CCDC85A: variants seen among roughly 807,000 people sequenced by gnomAD.
The protein encoded by CCDC85A is coiled-coil domain-containing protein 85A.
Under a neutral mutation model 50.2 loss-of-function variants are expected in CCDC85A, and 38 were observed. The observed-to-expected ratio is 0.76, with a 90% CI of 0.58 to 0.99. The LOEUF (loss-of-function observed/expected upper bound fraction) is 0.99, where lower values mean the gene tolerates loss of function less well. Among genes scored for constraint, CCDC85A ranks in the 50% least tolerant of loss-of-function variants. The pLI, the probability that CCDC85A is intolerant of heterozygous loss-of-function variation, is 0.00. For synonymous variants in CCDC85A, 366 were observed against 301.4 expected, an observed-to-expected ratio of 1.21 and a Z score of -2.22; for missense variants, 820 against 742.0, an observed-to-expected ratio of 1.11 and a Z score of -1.22.
intron 2 of CCDC85A, among the ~76,000 whole-genome samples, chr2:56,198,426 G>A (rs1305512774): frequency 6.6e-6 from 1 of 152,162 alleles, no homozygotes; most frequent in Non-Finnish European, 1.5e-5. Flanking sequence ...AATAATAATG[G>A]TTTTTGTTCT....
At chr2:56,324,395 A>G (rs1367271207) in intron 2 of CCDC85A, among the ~76,000 whole-genome samples, 4 of 152,008 alleles carry the variant, frequency 2.6e-5, no homozygotes, top group South Asian at 2.1e-4. Flanking sequence ...CCCTATAGCT[A>G]TGTACTCCCT....
intron 2 of CCDC85A, among the ~76,000 whole-genome samples, chr2:56,228,156 G>C (rs1344191048): frequency 6.6e-6 from 1 of 152,080 alleles, no homozygotes; most frequent in Non-Finnish European, 1.5e-5. Context: ...TTATTTTCTG[G>C]CCATGTCACC....
At chr2:56,281,845 A>T (rs1319157685) in intron 2 of CCDC85A, among the ~76,000 whole-genome samples, 2 of 152,194 alleles carry the variant, frequency 1.3e-5, no homozygotes, top group Non-Finnish European at 2.9e-5. Context: ...TATGTAAATA[A>T]TAGTGAATAA....
intron 2 of CCDC85A, among the ~76,000 whole-genome samples, chr2:56,271,041 G>A (rs1377324584): frequency 6.6e-6 from 1 of 152,178 alleles, no homozygotes; most frequent in African/African-American, 2.4e-5. Context: ...TCAAAGAAAT[G>A]CAGTGGCTTG....
chr2:56,258,938 A>G (rs1049125922), intron 2 of CCDC85A, among the ~76,000 whole-genome samples: 6 of 152,204 alleles, frequency 3.9e-5, no homozygotes, highest in African/African-American at 1.4e-4. Flanking sequence ...TGTGGAGCTA[A>G]GGCTTTTGAG....
chr2:56,346,645 C>G (rs1674645896), intron 3 of CCDC85A, among the ~76,000 whole-genome samples: 1 of 152,084 alleles, frequency 6.6e-6, no homozygotes, highest in African/African-American at 2.4e-5. Flanking sequence ...AAGAGCCAGT[C>G]TTATTATTTT....
chr2:56,319,627 A>G (rs976022733), intron 2 of CCDC85A, among the ~76,000 whole-genome samples: 3 of 152,154 alleles, frequency 2.0e-5, no homozygotes, highest in African/African-American at 4.8e-5. Flanking sequence ...TGCTGAATGT[A>G]TGAGGAATTG....
intron 2 of CCDC85A, among the ~76,000 whole-genome samples, chr2:56,208,225 A>G (rs898949911): frequency 2.0e-5 from 3 of 152,098 alleles, no homozygotes; most frequent in Non-Finnish European, 2.9e-5. Context: ...AGAATATGTT[A>G]TATTGTTTCT....
chr2:56,213,206 A>C (rs181221155), intron 2 of CCDC85A, among the ~76,000 whole-genome samples: 2 of 152,108 alleles, frequency 1.3e-5, no homozygotes, highest in Admixed American at 6.5e-5. Context: ...ACAGCTTTCA[A>C]ATGGATCACC....
At chr2:56,202,210 C>T (rs1453184198) in intron 2 of CCDC85A, among the ~76,000 whole-genome samples, 1 of 152,138 alleles carries the variant, frequency 6.6e-6, no homozygotes, top group Non-Finnish European at 1.5e-5. Context: ...TCAGAGAAGA[C>T]CTGGTGATCT....
chr2:56,220,738 T>C (rs1412755007), intron 2 of CCDC85A, among the ~76,000 whole-genome samples: 1 of 152,050 alleles, frequency 6.6e-6, no homozygotes, highest in Admixed American at 6.6e-5. Flanking sequence ...ATGCATTGTC[T>C]AAAAGCTAAG....
At chr2:56,241,353 T>A (rs575923483) in intron 2 of CCDC85A, among the ~76,000 whole-genome samples, 15 of 152,188 alleles carry the variant, frequency 9.9e-5, no homozygotes, top group African/African-American at 2.2e-4. Context: ...TAGGTTTTTT[T>A]AAAATGTACA....
intron 3 of CCDC85A, among the ~76,000 whole-genome samples, chr2:56,368,696 T>C (rs912532267): frequency 1.3e-5 from 2 of 152,108 alleles, no homozygotes; most frequent in Non-Finnish European, 1.5e-5. Context: ...AAATTTGTTA[T>C]AAGTGCATTA....
chr2:56,339,675 A>C (rs1307613254), intron 2 of CCDC85A, among the ~76,000 whole-genome samples: 2 of 152,200 alleles, frequency 1.3e-5, no homozygotes, highest in African/African-American at 2.4e-5. Flanking sequence ...AAAGAAAATA[A>C]CTTTATTTTT....
At chr2:56,354,100 A>G (rs1009029874) in intron 3 of CCDC85A, among the ~76,000 whole-genome samples, 33 of 152,248 alleles carry the variant, frequency 2.2e-4, no homozygotes, top group African/African-American at 7.0e-4. Flanking sequence ...CATACTGCCT[A>G]CAATAAAAGG....
intron 3 of CCDC85A, among the ~76,000 whole-genome samples, chr2:56,363,425 C>A (rs979273578): frequency 6.6e-6 from 1 of 152,182 alleles, no homozygotes; most frequent in Non-Finnish European, 1.5e-5. Flanking sequence ...GGTAGACCTA[C>A]AGCCTAACTG....
intron 2 of CCDC85A, among the ~76,000 whole-genome samples, chr2:56,297,812 A>T (rs1365276878): frequency 1.3e-5 from 2 of 152,100 alleles, no homozygotes; most frequent in East Asian, 3.9e-4. Flanking sequence ...TTTTCAGGCC[A>T]TTTGGCCAAA....
chr2:56,252,579 C>T (rs538293363), intron 2 of CCDC85A, among the ~76,000 whole-genome samples: 98 of 152,004 alleles, frequency 6.4e-4, no homozygotes, highest in South Asian at 1.7e-3. Context: ...TTCTGGGATA[C>T]GTGTGCAGAA....
intron 2 of CCDC85A, among the ~76,000 whole-genome samples, chr2:56,264,940 G>A (rs1253794210): frequency 1.3e-5 from 2 of 152,150 alleles, no homozygotes; most frequent in African/African-American, 4.8e-5. Context: ...TGTAATTCAG[G>A]TCTCTGGCAA....
Sources: gnomAD v4.1 joint callset for allele counts (sites outside exome capture counted in the v4.1 genomes callset) on GRCh38, gnomAD v4.1.1 for gene constraint, MANE v1.5 for transcripts, NCBI Gene and HGNC (gene_info 2026-07-23, HGNC 2026-07-21) for gene names.